TANC1: variants seen among roughly 807,000 people sequenced by gnomAD.
The protein encoded by TANC1 is tetratricopeptide repeat, ankyrin repeat and coiled-coil containing 1.
In TANC1, 77 loss-of-function variants were observed where a neutral mutation model predicts 149.7. The ratio of observed to expected loss-of-function variants is 0.51; its 90% CI spans 0.43 to 0.62. The LOEUF (loss-of-function observed/expected upper bound fraction) is 0.62, where lower values mean the gene tolerates loss of function less well. TANC1 is among the 20% of genes least tolerant of loss of function. The pLI is 0.00. For missense variants in TANC1, 1,985 were observed against 2,321.8 expected, an observed-to-expected ratio of 0.85 and a Z score of 2.98; for synonymous variants, 854 against 925.0, an observed-to-expected ratio of 0.92 and a Z score of 1.39.
At chr2:159,058,348 G>A (rs1430777790) in intron 2 of TANC1, among the ~76,000 whole-genome samples, 3 of 152,102 alleles carry the variant, frequency 2.0e-5, no homozygotes, top group African/African-American at 7.2e-5. Context: ...ATAAAGTTGG[G>A]AATTAGTACT....
intron 4 of TANC1, among the ~76,000 whole-genome samples, chr2:159,113,925 T>G (rs527816056): frequency 6.6e-6 from 1 of 152,192 alleles, no homozygotes; most frequent in Non-Finnish European, 1.5e-5. Flanking sequence ...TTATTCATCA[T>G]TGGGATCTGA....
At chr2:158,986,882 TA>T (rs1432138588) in intron 1 of TANC1, among the ~76,000 whole-genome samples, 1 of 152,146 alleles carries the variant, frequency 6.6e-6, no homozygotes, top group East Asian at 1.9e-4. Flanking sequence ...TCTGTTGTTT[TA>T]AGTGGACCTT....
At position 159,012,889 on chromosome 2, in the gene TANC1, G is replaced by A. The variant is rs148667198; in HGVS notation, c.-16+11700G>A. Among the ~76,000 whole-genome samples the A allele has an allele frequency of 2.2e-3, 328 of 152,106 alleles. 2 individuals carry two copies. The highest frequency in any genetic ancestry group is 0.01 in the Middle Eastern group (3 of 294). ...GGGGGATGTAGGAGGCTACTCTTTC[G>A]GTGTTCCAAATAAAGAAAAATTCTT... On this transcript the variant is annotated intron_variant, in intron 2 of 26. Transcript: ENST00000263635.
chr2:159,192,807 G>T (rs57389852), intron 16 of TANC1, among the ~76,000 whole-genome samples: 34 of 152,132 alleles, frequency 2.2e-4, no homozygotes, highest in African/African-American at 8.0e-4. Context: ...GCGCCACCAC[G>T]CTGGCTAATT....
rs997714006 is a variant in TANC1 at position 159,217,383 on chromosome 2, G to T, written c.3245-114G>T. On this transcript the variant is annotated intron_variant, in intron 19 of 26. Coordinates refer to ENST00000263635, the MANE Select transcript of TANC1 (RefSeq NM_033394.3). Reference sequence around the variant, plus strand: ...TCACAGAGCCCCCGCAGGTTCAAAGGGGGAGGACATATAGACCCCATCTCC... The same window carrying T: ...TCACAGAGCCCCCGCAGGTTCAAAGTGGGAGGACATATAGACCCCATCTCC... The T allele has an allele frequency of 1.7e-5, 23 of 1,374,406 alleles. No homozygotes were observed. The African/African-American group carries it at 2.3e-4, about 14-fold the overall frequency. The allele number at this position is 1,374,406 out of a possible 1,614,324, so 85.1% of individuals were successfully genotyped here. A position where few individuals can be genotyped will look rare whatever the true frequency, so the allele number is the denominator to read the frequency against.
intron 4 of TANC1, among the ~76,000 whole-genome samples, chr2:159,117,857 C>G (rs1559292341): frequency 2.0e-5 from 3 of 151,766 alleles, no homozygotes; most frequent in Non-Finnish European, 2.9e-5. Context: ...TTTTGATGAC[C>G]TTGGCAGTTT....
chr2:159,130,046 G>A (rs1390085421), intron 4 of TANC1, among the ~76,000 whole-genome samples: 10 of 152,216 alleles, frequency 6.6e-5, no homozygotes, highest in Admixed American at 2.6e-4. Flanking sequence ...TACCGGGGGC[G>A]GCGGGGGACT....
Position 159,170,818 on chromosome 2 carries a change from T to C in TANC1, c.1351+13T>C. 6.2e-7 allele frequency: 1 copy of C among 1,609,742 alleles called. No homozygotes were observed. The highest frequency in any genetic ancestry group is 8.5e-7 in the Non-Finnish European group (1 of 1,176,230). ...TCATCACCTAAAAGTACGTGCATGT[T>C]TAATTACTTGTCTAGTTTATTAACA... On this transcript the variant is annotated intron_variant, in intron 10 of 26. Coordinates refer to ENST00000263635, the MANE Select transcript of TANC1 (RefSeq NM_033394.3).
chr2:159,212,558 G>T (rs1057243349), intron 19 of TANC1, among the ~76,000 whole-genome samples: 1 of 152,178 alleles, frequency 6.6e-6, no homozygotes, highest in Non-Finnish European at 1.5e-5. Context: ...TATATCTTGT[G>T]TTGTATCCAT....
chr2:159,046,589 CTTT>C (rs57208685), intron 2 of TANC1, among the ~76,000 whole-genome samples: 29 of 84,384 alleles, frequency 3.4e-4, no homozygotes, highest in East Asian at 1.8e-3. Context: ...CTTTTCTTTA[CTTT>C]TTTTTTTTTT....
intron 1 of TANC1, among the ~76,000 whole-genome samples, chr2:158,980,723 C>T (rs537317016): frequency 4.0e-5 from 6 of 150,036 alleles, no homozygotes; most frequent in Non-Finnish European, 8.9e-5. Context: ...TGCAGTGAGC[C>T]GAGATCATGC....
chr2:158,973,322 C>A (rs940084896), intron 1 of TANC1, among the ~76,000 whole-genome samples: 2 of 152,156 alleles, frequency 1.3e-5, no homozygotes, highest in African/African-American at 4.8e-5. Flanking sequence ...ACGTGCCAGT[C>A]ATGAACAGTG....
intron 2 of TANC1, among the ~76,000 whole-genome samples, chr2:159,044,222 T>C (rs911704935): frequency 1.3e-5 from 2 of 152,166 alleles, no homozygotes; most frequent in Admixed American, 1.3e-4. Context: ...GGAGGATCAC[T>C]TGAGACCAGC....
intron 3 of TANC1, among the ~76,000 whole-genome samples, chr2:159,072,036 A>G (rs1029633023): frequency 6.6e-6 from 1 of 152,128 alleles, no homozygotes; most frequent in Non-Finnish European, 1.5e-5. Context: ...GCTGGAGTGC[A>G]GTGGGTGCCA....
intron 2 of TANC1, among the ~76,000 whole-genome samples, chr2:159,065,640 GTTT>G (rs34624412): frequency 7.3e-6 from 1 of 136,194 alleles, no homozygotes. Flanking sequence ...ATGCACTATT[GTTT>G]TTTTTTTTTT....
chr2:158,995,460 T>G (rs547598319), intron 1 of TANC1, among the ~76,000 whole-genome samples: 4 of 152,310 alleles, frequency 2.6e-5, no homozygotes, highest in Non-Finnish European at 2.9e-5. Flanking sequence ...TGAGGTTATC[T>G]GGTGCTAGAG....
rs777748533 is a variant in TANC1, at chr2:159,229,700, A to G, written c.4274A>G (p.Gln1425Arg). 1.2e-5 allele frequency: 20 copies of G among 1,613,906 alleles called. 1 individual carries two copies. The African/African-American group carries it at 2.4e-4, about 19-fold the overall frequency. The change falls in exon 27 of 27, where the codon CAG becomes CGG. Residue 1425 changes from glutamine (Q) to arginine (R), a missense_variant. Coordinates refer to ENST00000263635, the MANE Select transcript of TANC1 (RefSeq NM_033394.3). ...TGCAAACAACTCCAGAGGAGTCAACAGCAAAAACAGCAGGGCCCGCTACCA... is the reference window on the plus strand; with the variant it reads ...TGCAAACAACTCCAGAGGAGTCAACGGCAAAAACAGCAGGGCCCGCTACCA... Reference protein sequence around the residue: ...EECKQLQRSQQQKQQGPLPAP... With the variant: ...EECKQLQRSQRQKQQGPLPAP...
At chr2:159,180,301 G>A (rs1323584001) in intron 14 of TANC1, among the ~76,000 whole-genome samples, 1 of 152,202 alleles carries the variant, frequency 6.6e-6, no homozygotes, top group African/African-American at 2.4e-5. Context: ...TTCTAGCCAA[G>A]TCAGATTACT....
intron 3 of TANC1, among the ~76,000 whole-genome samples, chr2:159,074,519 C>T (rs527821495): frequency 1.3e-5 from 2 of 152,240 alleles, no homozygotes; most frequent in South Asian, 4.2e-4. Context: ...CACCTGCACA[C>T]AGGGTCTTCC....
Sources: gnomAD v4.1 joint callset for allele counts (sites outside exome capture counted in the v4.1 genomes callset) on GRCh38, gnomAD v4.1.1 for gene constraint, MANE v1.5 for transcripts, NCBI Gene and HGNC (gene_info 2026-07-23, HGNC 2026-07-21) for gene names.